The following CMYA5 variants were observed in gnomAD, a reference collection of about 807,000 sequenced individuals.
CMYA5 encodes the protein cardiomyopathy associated 5, also known as cardiomyopathy-associated protein 5.
Under a neutral mutation model 318.9 loss-of-function variants are expected in CMYA5, and 246 were observed. That is an observed-to-expected ratio of 0.77 (90% confidence interval 0.70 to 0.86). The LOEUF is 0.86. CMYA5 is among the 40% of genes least tolerant of loss of function. The probability of loss-of-function intolerance (pLI) is 0.00; values close to 1 mark genes in which losing one functional copy is unlikely to be tolerated. For missense variants in CMYA5, 4,589 were observed against 4,678.2 expected (o/e 0.98, Z 0.56); for synonymous variants, 1,641 against 1,729.5 (o/e 0.95, Z 1.27).
In CMYA5 at chr5:79,732,066, A is replaced by G; in HGVS notation, c.3301A>G (p.Thr1101Ala). ...TAAGCCAGAGATTCCAACAACCTCA[A>G]CATCTGTATCTGAATATCTCATTTT... The part of the protein sequence containing the change: ...EIKPEIPTTS[T>A]SVSEYLILAQ... The change falls in exon 2 of 13, where the codon ACA becomes GCA. Residue 1101 changes from threonine to alanine, a missense_variant. By Grantham distance (58) the Thr-to-Ala change is moderately conservative. Around this residue, in one of 3 missense-constraint regions of CMYA5, gnomAD observed 2,132 missense variants for 2,131.3 expected, o/e 1.00. Transcript: ENST00000446378. 1.2e-6 allele frequency: 2 copies of G among 1,614,016 alleles called. No individual in the cohort carries two copies. The highest frequency in any genetic ancestry group is 1.6e-4 in the Middle Eastern group (1 of 6,062).
intron 2 of CMYA5, among the ~76,000 whole-genome samples, chr5:79,742,578 C>T (rs1828238908): frequency 6.6e-6 from 1 of 152,148 alleles, no homozygotes; most frequent in South Asian, 2.1e-4. Context: ...GTGCCTGTTC[C>T]AGGAGCCAAT....
chr5:79,758,282 A>C (rs1468486981), intron 6 of CMYA5, among the ~76,000 whole-genome samples: 2 of 151,984 alleles, frequency 1.3e-5, no homozygotes, highest in African/African-American at 4.8e-5. Context: ...CTGTGATCCC[A>C]ACACTTTGGG....
chr5:79,741,208 GTCTT>G (rs1247592896), intron 2 of CMYA5, among the ~76,000 whole-genome samples: 1 of 152,152 alleles, frequency 6.6e-6, no homozygotes, highest in East Asian at 1.9e-4. Context: ...ATATCTTTTA[GTCTT>G]TCTAACAGCT....
intron 1 of CMYA5, among the ~76,000 whole-genome samples, chr5:79,720,377 A>G (rs1827596991): frequency 6.6e-6 from 1 of 152,036 alleles, no homozygotes; most frequent in Admixed American, 6.6e-5. Context: ...AAGACAGAAG[A>G]CAATGGAATG....
At chr5:79,754,860 A>G (rs73125652) in intron 6 of CMYA5, among the ~76,000 whole-genome samples, 12,586 of 152,194 alleles carry the variant, frequency 0.083, 1,202 homozygotes, top group African/African-American at 0.23. Context: ...TGTGGCAGCC[A>G]CCATTTTACT....
In CMYA5 at chr5:79,733,020, G is replaced by T. The variant is rs999907777; in HGVS notation, c.4255G>T (p.Val1419Leu). Residue 1419 changes from valine (V) to leucine (L), a missense_variant, in exon 2 of 13, where the codon GTG becomes TTG. Transcript: ENST00000446378. ...EHSVLAEEDK[V>L]AIKGASPIET... ...TTCAGTTCTTGCAGAAGAAGACAAG[G>T]TGGCAATTAAAGGTGCTTCTCCCAT... is the stretch of plus-strand genomic sequence containing the variant. The T allele has an allele frequency of 3.7e-6, 6 of 1,613,432 alleles. No homozygotes were observed. The highest frequency in any genetic ancestry group is 4.2e-6 in the Non-Finnish European group (5 of 1,179,670).
Position 79,734,851 on chromosome 5 carries a change from C to T in CMYA5, c.6086C>T (p.Ser2029Phe), listed in dbSNP as rs748430959. 1.9e-6 allele frequency: 3 copies of T among 1,613,728 alleles called. No individual in the cohort carries two copies. The highest frequency in any genetic ancestry group is 3.3e-5 in the Admixed American group (2 of 59,962). ...TTGGAGAAAGCAAACACAGAGCTTT[C>T]CTGGCCTTCCAAAGAAGATAGCCAG... ...LLLEKANTEL[S>F]WPSKEDSQEK... Residue 2029 changes from serine to phenylalanine, a missense_variant, in exon 2 of 13, where the codon TCC becomes TTC. By Grantham distance (155) the Ser-to-Phe change is radical. Transcript: ENST00000446378.
At position 79,737,934 on chromosome 5, in the gene CMYA5, A is replaced by C. The variant is rs769992290; in HGVS notation, c.9169A>C (p.Thr3057Pro). ...PSEEDYFEKY[T>P]LIDYNISPDP... ...TGAAGAGGATTATTTTGAAAAATATACTTTGATTGATTATAACATCTCCCC... is the reference window on the plus strand; with the variant it reads ...TGAAGAGGATTATTTTGAAAAATATCCTTTGATTGATTATAACATCTCCCC... The change falls in exon 2 of 13, where the codon ACT becomes CCT. Residue 3057 changes from threonine to proline, a missense_variant. By Grantham distance (38) the Thr-to-Pro change is conservative. Transcript: ENST00000446378. 1.4e-5 allele frequency: 22 copies of C among 1,607,414 alleles called. No homozygotes were observed. Among genetic ancestry groups the C allele is most frequent in the Admixed American group, 1.7e-5 (1 of 58,470 alleles).
intron 9 of CMYA5, among the ~76,000 whole-genome samples, chr5:79,766,709 G>A (rs1049428792): frequency 6.6e-6 from 1 of 152,222 alleles, no homozygotes; most frequent in Non-Finnish European, 1.5e-5. Context: ...TGGTTTACCA[G>A]TATTTTATTG....
At chr5:79,796,835 A>G (rs1829284862) in intron 12 of CMYA5, among the ~76,000 whole-genome samples, 2 of 136,564 alleles carry the variant, frequency 1.5e-5, no homozygotes, top group African/African-American at 5.5e-5. Context: ...TCATTCTTAC[A>G]TTTAAATAAA....
chr5:79,768,297 A>G (rs1048534406), intron 9 of CMYA5, among the ~76,000 whole-genome samples: 2 of 152,176 alleles, frequency 1.3e-5, no homozygotes, highest in African/African-American at 4.8e-5. Context: ...TAGCCTGTTT[A>G]CATTTAAGGT....
At chr5:79,708,402 ACG>A (rs1827315773) in intron 1 of CMYA5, among the ~76,000 whole-genome samples, 1 of 152,090 alleles carries the variant, frequency 6.6e-6, no homozygotes, top group Admixed American at 6.5e-5. Context: ...CAGGCAGATC[ACG>A]AGGTCAGGAG....
chr5:79,750,285 T>G (rs961457784), intron 5 of CMYA5, among the ~76,000 whole-genome samples: 2 of 152,208 alleles, frequency 1.3e-5, no homozygotes, highest in Admixed American at 1.3e-4. Flanking sequence ...TGTAAGTGTA[T>G]TTTCTCTTCC....
In CMYA5 at chr5:79,735,493, T is replaced by G. The variant is rs529114727; in HGVS notation, c.6728T>G (p.Leu2243Arg). 1.1e-5 allele frequency: 18 copies of G among 1,613,750 alleles called. No homozygotes were observed. In the East Asian group the frequency reaches 3.8e-4, roughly 34 times the overall value. ...GATCATTCATTATCAGAGGTAAAAC[T>G]TAAAACTGCTGATGAACCCAGAGGT... is the stretch of plus-strand genomic sequence containing the variant. The part of the protein sequence containing the change: ...PADHSLSEVK[L>R]KTADEPRGTL... Residue 2243 changes from leucine to arginine, a missense_variant, in exon 2 of 13, where the codon CTT becomes CGT. Leu to Arg is a moderately radical substitution (Grantham distance 102). Around this residue, in one of 3 missense-constraint regions of CMYA5, gnomAD observed 2,431 missense variants for 2,495.1 expected, o/e 0.97. Coordinates refer to ENST00000446378, the MANE Select transcript of CMYA5 (RefSeq NM_153610.5).
At chr5:79,766,398 C>T (rs765148955) in intron 9 of CMYA5, among the ~76,000 whole-genome samples, 6 of 152,050 alleles carry the variant, frequency 3.9e-5, no homozygotes, top group African/African-American at 9.7e-5. Flanking sequence ...CCGCGCCTGG[C>T]GCTTCCAGCT....
At chr5:79,690,959 T>C (rs894655789) in intron 1 of CMYA5, among the ~76,000 whole-genome samples, 13 of 152,274 alleles carry the variant, frequency 8.5e-5, no homozygotes, top group South Asian at 4.1e-4. Context: ...GGAGGATGGA[T>C]GGTCAGACAA....
chr5:79,748,119 C>T lies in CMYA5; in HGVS notation c.10991+1006C>T, dbSNP rs148726469. ...ACATTAATCAATAAGTGTTTTATAA[C>T]AGTGGCTCTGTTATGAATAGAATTC... On this transcript the variant is annotated intron_variant, in intron 5 of 12. Transcript: ENST00000446378. Among the ~76,000 whole-genome samples the T allele has an allele frequency of 3.5e-3, 531 of 152,240 alleles. 1 individual carries two copies. The highest frequency in any genetic ancestry group is 0.017 in the Middle Eastern group (5 of 294).
At chr5:79,741,921 GACTAAAGCC>G (rs1828215159) in intron 2 of CMYA5, among the ~76,000 whole-genome samples, 1 of 152,026 alleles carries the variant, frequency 6.6e-6, no homozygotes, top group Admixed American at 6.6e-5. Context: ...GAACCCAGTT[GACTAAAGCC>G]AAGCAGCTAG....
chr5:79,799,054 G>A (rs141812535), intron 12 of CMYA5, among the ~76,000 whole-genome samples: 3 of 152,168 alleles, frequency 2.0e-5, no homozygotes, highest in African/African-American at 7.2e-5. Flanking sequence ...CCATGAATGC[G>A]GTAGTTAAAA....
Sources: gnomAD v4.1 joint callset for allele counts (sites outside exome capture counted in the v4.1 genomes callset) on GRCh38, gnomAD v4.1.1 for gene constraint, gnomAD v4.1.1 regional missense constraint, MANE v1.5 for transcripts, NCBI Gene and HGNC (gene_info 2026-07-23, HGNC 2026-07-21) for gene names.